Variants in TMTC2 observed in about 807,000 individuals in gnomAD.
TMTC2 encodes protein O-mannosyl-transferase TMTC2.
Under a neutral mutation model 82.4 loss-of-function variants are expected in TMTC2, and 43 were observed. That is an observed-to-expected ratio of 0.52 (90% CI 0.41 to 0.67). TMTC2 has a LOEUF of 0.67. Ranked by LOEUF, TMTC2 falls within the 30% of genes least tolerant of loss-of-function variation. The pLI is 0.00. For synonymous variants in TMTC2, 408 were observed against 381.9 expected (o/e 1.07, Z -0.80); for missense variants, 919 against 1,012.4 (o/e 0.91, Z 1.25).
At chr12:83,118,794 C>A (rs1884853701) in intron 11 of TMTC2, among the ~76,000 whole-genome samples, 1 of 151,860 alleles carries the variant, frequency 6.6e-6, no homozygotes, top group African/African-American at 2.4e-5. Context: ...TGGACCTGGA[C>A]TTTTTTTGTC....
intron 1 of TMTC2, chr12:82,758,487 T>G (rs1324746446): frequency 1.3e-5 from 2 of 152,150 alleles, no homozygotes; most frequent in East Asian, 3.8e-4. Context: ...TATAAAACTT[T>G]GAAGAACAAC....
At chr12:82,850,824 G>A (rs1267830108) in intron 1 of TMTC2, among the ~76,000 whole-genome samples, 2 of 152,122 alleles carry the variant, frequency 1.3e-5, no homozygotes, top group African/African-American at 4.8e-5. Flanking sequence ...CCAGCACTTA[G>A]GGAGGCTGAG....
Position 83,103,258 on chromosome 12 carries a change from C to T in TMTC2, c.2332-28952C>T, listed in dbSNP as rs115682388. Reference sequence around the variant, plus strand: ...CAGTATAGTGAAGCAGAGCCTGTAACTCCCAATATTGAGTCAAGACCCAAT... The same window carrying T: ...CAGTATAGTGAAGCAGAGCCTGTAATTCCCAATATTGAGTCAAGACCCAAT... On this transcript the variant is annotated intron_variant, in intron 11 of 11. Transcript: ENST00000321196. Among the ~76,000 whole-genome samples, 501 of 152,328 alleles carry T rather than the reference C, an allele frequency of 3.3e-3. 2 individuals carry two copies. Among genetic ancestry groups the T allele is most frequent in the African/African-American group, 0.012 (478 of 41,564 alleles).
intron 2 of TMTC2, among the ~76,000 whole-genome samples, chr12:82,868,479 T>C (rs1384393918): frequency 6.6e-6 from 1 of 152,196 alleles, no homozygotes; most frequent in Non-Finnish European, 1.5e-5. Flanking sequence ...ATTGGTAATA[T>C]CTTGCCATCA....
intron 1 of TMTC2, among the ~76,000 whole-genome samples, chr12:82,738,558 T>G (rs1875233009): frequency 6.6e-6 from 1 of 152,178 alleles, no homozygotes; most frequent in Non-Finnish European, 1.5e-5. Flanking sequence ...TATAGTAGTA[T>G]TCAGGTGTTA....
chr12:83,023,708 T>C (rs966576705), intron 8 of TMTC2, among the ~76,000 whole-genome samples: 2 of 152,244 alleles, frequency 1.3e-5, no homozygotes, highest in Admixed American at 6.5e-5. Context: ...ATTCCTCCCT[T>C]GTGAGGTCTC....
intron 4 of TMTC2, among the ~76,000 whole-genome samples, chr12:82,940,125 A>G (rs1455875019): frequency 7.0e-6 from 1 of 142,606 alleles, no homozygotes; most frequent in Non-Finnish European, 1.5e-5. Context: ...CGTTCAAGCC[A>G]TTCTGCCTCA....
intron 9 of TMTC2, among the ~76,000 whole-genome samples, chr12:83,033,447 T>G (rs1285432993): frequency 1.3e-5 from 2 of 152,192 alleles, no homozygotes; most frequent in African/African-American, 4.8e-5. Flanking sequence ...TGTCATGCTT[T>G]TTCTTCCATA....
intron 1 of TMTC2, among the ~76,000 whole-genome samples, chr12:82,814,621 TTACCAATCATGA>T (rs1451448794): frequency 1.3e-5 from 2 of 152,058 alleles, no homozygotes; most frequent in Non-Finnish European, 2.9e-5. Flanking sequence ...AGAACCAGAA[TTACCAATCATGA>T]TTAGAAGGAA....
At chr12:82,937,045 T>C in intron 4 of TMTC2, among the ~76,000 whole-genome samples, 1 of 152,218 alleles carries the variant, frequency 6.6e-6, no homozygotes, top group East Asian at 1.9e-4. Context: ...TATAAAGAGC[T>C]TTCTTGAATT....
chr12:82,840,835 A>G (rs1218801902), intron 1 of TMTC2, among the ~76,000 whole-genome samples: 1 of 152,194 alleles, frequency 6.6e-6, no homozygotes, highest in Non-Finnish European at 1.5e-5. Context: ...GCTGGAGTAC[A>G]GTGGCGTGAT....
intron 11 of TMTC2, among the ~76,000 whole-genome samples, chr12:83,109,688 TA>T (rs1259139696): frequency 3.3e-5 from 5 of 152,180 alleles, no homozygotes; most frequent in Non-Finnish European, 7.4e-5. Context: ...CACCCCTTTT[TA>T]GATTAAATTC....
chr12:82,900,511 G>A (rs1423000407), intron 3 of TMTC2, among the ~76,000 whole-genome samples: 1 of 81,038 alleles, frequency 1.2e-5, no homozygotes, highest in African/African-American at 5.1e-5. Flanking sequence ...ATACATATCC[G>A]GAATATAGAT....
At chr12:82,912,555 C>T (rs1874737057) in intron 3 of TMTC2, among the ~76,000 whole-genome samples, 1 of 152,104 alleles carries the variant, frequency 6.6e-6, no homozygotes. Flanking sequence ...GATTTGCAAA[C>T]AAGTTTTGAT....
chr12:83,004,754 T>C (rs1346308469), intron 8 of TMTC2, among the ~76,000 whole-genome samples: 1 of 112,710 alleles, frequency 8.9e-6, no homozygotes, highest in African/African-American at 3.8e-5. Flanking sequence ...TTTTTTTTTT[T>C]TTTTTTTTTT....
At chr12:82,744,626 A>C (rs1200676654) in intron 1 of TMTC2, among the ~76,000 whole-genome samples, 1 of 151,556 alleles carries the variant, frequency 6.6e-6, no homozygotes, top group Non-Finnish European at 1.5e-5. Flanking sequence ...GGACAGGGAC[A>C]CATCTGCCAG....
At chr12:82,945,679 A>AT in intron 4 of TMTC2, among the ~76,000 whole-genome samples, 1 of 152,308 alleles carries the variant, frequency 6.6e-6, no homozygotes, top group Non-Finnish European at 1.5e-5. Flanking sequence ...CTGCTCCTGA[A>AT]GAAAAATGAA....
At chr12:82,841,743 C>T (rs1592565667) in intron 1 of TMTC2, among the ~76,000 whole-genome samples, 1 of 152,156 alleles carries the variant, frequency 6.6e-6, no homozygotes, top group East Asian at 1.9e-4. Context: ...ATGCAGGCAG[C>T]AAAGTCTCTG....
intron 11 of TMTC2, among the ~76,000 whole-genome samples, chr12:83,092,159 C>A (rs1167254756): frequency 2.6e-5 from 4 of 152,196 alleles, no homozygotes; most frequent in African/African-American, 9.7e-5. Flanking sequence ...TTACTCTCTT[C>A]CTGGCCTCCA....
Sources: allele counts gnomAD v4.1 joint callset (sites outside exome capture counted in the v4.1 genomes callset), GRCh38; gene constraint gnomAD v4.1.1; transcripts MANE v1.5; gene names NCBI Gene and HGNC (gene_info 2026-07-23, HGNC 2026-07-21).